Variants in RYR2 observed in about 807,000 individuals in gnomAD.
The protein encoded by RYR2 is cardiac muscle ryanodine receptor-calcium release channel.
A neutral mutation model predicts 601.1 loss-of-function variants in RYR2; 227 were observed. The observed-to-expected ratio is 0.38, with a 90% CI of 0.34 to 0.42. The LOEUF is 0.42. RYR2 is among the 10% of genes least tolerant of loss of function. The probability of loss-of-function intolerance (pLI) is 1.00; values close to 1 mark genes in which losing one functional copy is unlikely to be tolerated. For synonymous variants in RYR2, 2,223 were observed against 2,175.1 expected (o/e 1.02, Z -0.61); for missense variants, 4,646 against 6,156.5 (o/e 0.75, Z 8.21).
At chr1:237,710,447 A>C (rs1446128074) in intron 70 of RYR2, among the ~76,000 whole-genome samples, 1 of 152,178 alleles carries the variant, frequency 6.6e-6, no homozygotes, top group South Asian at 2.1e-4. Flanking sequence ...GATGACAAAT[A>C]TTATTTATTG....
chr1:237,708,992 G>A lies in RYR2; in HGVS notation c.10036G>A (p.Gly3346Arg), dbSNP rs1488791858. 6.2e-7 allele frequency: 1 copy of A among 1,613,760 alleles called. No homozygotes were observed. Among genetic ancestry groups the A allele is most frequent in the East Asian group, 2.2e-5 (1 of 44,864 alleles). ...AGACCACCTGAAAGCTGAGGCCAGG[G>A]GGGACATGTCGGAGGCAGAACTCCT... is the stretch of plus-strand genomic sequence containing the variant. ...EEDHLKAEAR[G>R]DMSEAELLIL... Residue 3346 changes from glycine to arginine, a missense_variant, in exon 69 of 105, where the codon GGG becomes AGG. Around this residue, in one of 17 missense-constraint regions of RYR2, gnomAD observed 1,497 missense variants for 1,842.6 expected, o/e 0.81. Coordinates refer to ENST00000366574, the MANE Select transcript of RYR2 (RefSeq NM_001035.3).
In RYR2 at chr1:237,641,730, C is replaced by T. The variant is rs145204385; in HGVS notation, c.7221+728C>T. On this transcript the variant is annotated intron_variant, in intron 47 of 104. Coordinates refer to ENST00000366574, the MANE Select transcript of RYR2 (RefSeq NM_001035.3). ...CTAATTTTTGTATTTTTAGTAGAGA[C>T]GGGGTTTTGCCATGTTGGCCAGGCT... Among the ~76,000 whole-genome samples the T allele has an allele frequency of 7.1e-3, 1,078 of 152,136 alleles. 11 individuals are homozygous for T. The highest frequency in any genetic ancestry group is 0.023 in the East Asian group (119 of 5,154).
At chr1:237,366,964 A>G (rs1700247511) in intron 5 of RYR2, among the ~76,000 whole-genome samples, 1 of 152,198 alleles carries the variant, frequency 6.6e-6, no homozygotes, top group African/African-American at 2.4e-5. Context: ...AATCAAATGC[A>G]TTATAGAAAA....
At chr1:237,283,417 A>C (rs907851111) in intron 2 of RYR2, among the ~76,000 whole-genome samples, 1 of 152,022 alleles carries the variant, frequency 6.6e-6, no homozygotes, top group African/African-American at 2.4e-5. Flanking sequence ...GTCCCTTTAC[A>C]TTTACTTTGG....
At chr1:237,129,324 C>T (rs1356072404) in intron 1 of RYR2, among the ~76,000 whole-genome samples, 1 of 152,148 alleles carries the variant, frequency 6.6e-6, no homozygotes, top group East Asian at 1.9e-4. Context: ...TTGAAGGCAA[C>T]CAAGAAGCCC....
chr1:237,425,240 T>C (rs1020305219), intron 12 of RYR2, among the ~76,000 whole-genome samples: 1 of 152,176 alleles, frequency 6.6e-6, no homozygotes, highest in Non-Finnish European at 1.5e-5. Context: ...TTTTGATGAA[T>C]TTCCTTCCTA....
At chr1:237,457,221 C>T (rs1275541574) in intron 16 of RYR2, among the ~76,000 whole-genome samples, 1 of 152,172 alleles carries the variant, frequency 6.6e-6, no homozygotes, top group Non-Finnish European at 1.5e-5. Context: ...TAATTCCTTA[C>T]ATTCCCATCT....
At chr1:237,293,516 T>C (rs1692454163) in intron 2 of RYR2, among the ~76,000 whole-genome samples, 2 of 152,180 alleles carry the variant, frequency 1.3e-5, no homozygotes, top group South Asian at 4.1e-4. Context: ...CTGCCCCTAC[T>C]TCAGATTCCA....
intron 25 of RYR2, among the ~76,000 whole-genome samples, chr1:237,540,046 T>C (rs897213165): frequency 4.2e-5 from 6 of 143,272 alleles, no homozygotes; most frequent in African/African-American, 1.5e-4. Context: ...TTCTCCTTCC[T>C]CTCAAAACAA....
chr1:237,195,666 AGT>A (rs1680481231), intron 1 of RYR2, among the ~76,000 whole-genome samples: 1 of 152,164 alleles, frequency 6.6e-6, no homozygotes, highest in African/African-American at 2.4e-5. Context: ...GTGGTTAACA[AGT>A]ATCATATTTG....
intron 16 of RYR2, among the ~76,000 whole-genome samples, chr1:237,462,269 T>G (rs374113682): frequency 6.6e-6 from 1 of 152,302 alleles, no homozygotes. Context: ...TGTGTCTATT[T>G]TGCACAGAGA....
At chr1:237,441,924 T>C (rs1707941500) in intron 13 of RYR2, among the ~76,000 whole-genome samples, 1 of 152,212 alleles carries the variant, frequency 6.6e-6, no homozygotes, top group Non-Finnish European at 1.5e-5. Flanking sequence ...TAAAGGTGTG[T>C]AATTGTGACT....
intron 10 of RYR2, among the ~76,000 whole-genome samples, chr1:237,410,496 T>C (rs1208366725): frequency 6.6e-6 from 1 of 152,156 alleles, no homozygotes; most frequent in Non-Finnish European, 1.5e-5. Context: ...GGTCAACCAA[T>C]CAAGGCAGTA....
At chr1:237,379,421 A>C (rs1326709724) in intron 8 of RYR2, among the ~76,000 whole-genome samples, 2 of 152,220 alleles carry the variant, frequency 1.3e-5, no homozygotes, top group Non-Finnish European at 2.9e-5. Context: ...AATGAGGTTG[A>C]TGCTGATAAT....
chr1:237,188,605 G>T (rs1223628274), intron 1 of RYR2, among the ~76,000 whole-genome samples: 1 of 151,444 alleles, frequency 6.6e-6, no homozygotes, highest in Non-Finnish European at 1.5e-5. Context: ...ACTCTTTGTT[G>T]CCCAGGCTGG....
chr1:237,224,362 A>G (rs897816334), intron 1 of RYR2, among the ~76,000 whole-genome samples: 3 of 152,210 alleles, frequency 2.0e-5, no homozygotes, highest in Non-Finnish European at 4.4e-5. Context: ...TTTCCAGGCA[A>G]CAGTAGGTTA....
intron 10 of RYR2, among the ~76,000 whole-genome samples, chr1:237,405,062 A>G (rs1703726074): frequency 6.6e-6 from 1 of 152,230 alleles, no homozygotes; most frequent in African/African-American, 2.4e-5. Context: ...CATCATGCCT[A>G]GACTTCCAAC....
At chr1:237,123,503 C>T (rs1346304794) in intron 1 of RYR2, among the ~76,000 whole-genome samples, 5 of 152,088 alleles carry the variant, frequency 3.3e-5, no homozygotes, top group African/African-American at 1.2e-4. Flanking sequence ...GCGAGGATCA[C>T]TTGAGCCTAG....
chr1:237,288,784 A>G (rs190426559), intron 2 of RYR2, among the ~76,000 whole-genome samples: 1 of 152,008 alleles, frequency 6.6e-6, no homozygotes, highest in African/African-American at 2.4e-5. Flanking sequence ...CTGCCTATGG[A>G]GTCTGGACAC....
Sources: gnomAD v4.1 joint callset for allele counts (sites outside exome capture counted in the v4.1 genomes callset) on GRCh38, gnomAD v4.1.1 for gene constraint, gnomAD v4.1.1 regional missense constraint, MANE v1.5 for transcripts, NCBI Gene and HGNC (gene_info 2026-07-23, HGNC 2026-07-21) for gene names.